The following JAK2 variants were observed in gnomAD, a reference collection of about 807,000 sequenced individuals.
The protein encoded by JAK2 is Janus kinase 2.
In JAK2, 86 loss-of-function variants were observed where a neutral mutation model predicts 139.3. That is an observed-to-expected ratio of 0.62 (90% CI 0.52 to 0.74). JAK2 has a LOEUF of 0.74. Ranked by LOEUF, JAK2 falls within the 30% of genes least tolerant of loss-of-function variation. JAK2 has a pLI of 0.00. For missense variants in JAK2, 1,421 were observed against 1,360.3 expected (o/e 1.04, Z -0.70); for synonymous variants, 490 against 437.7 (o/e 1.12, Z -1.49).
Position 5,090,673 on chromosome 9 carries a change from G to C in JAK2, c.2887-66G>C, listed in dbSNP as rs547311797. ...TCATAGATAATAAAGGGAATATATA[G>C]GGTTAAGACCATTTAAATTGTTTAT... On this transcript the variant is annotated intron_variant, in intron 21 of 24. Transcript: ENST00000381652. 25 of 1,531,392 alleles carry C rather than the reference G, an allele frequency of 1.6e-5. 1 individual carries two copies. The highest frequency in any genetic ancestry group is 7.7e-5 in the South Asian group (6 of 77,896). 94.9% of individuals were successfully genotyped at this position (1,531,392 alleles called of 1,614,324 possible). A position where few individuals can be genotyped will look rare whatever the true frequency, so the allele number is the denominator to read the frequency against.
At chr9:5,021,633 G>A (rs1331803688) in intron 2 of JAK2, among the ~76,000 whole-genome samples, 1 of 152,092 alleles carries the variant, frequency 6.6e-6, no homozygotes, top group African/African-American at 2.4e-5. Context: ...ATTTATTTAT[G>A]TATTCATTTT....
intron 22 of JAK2, chr9:5,114,055 C>A (rs1164413496): frequency 6.1e-6 from 2 of 330,066 alleles, no homozygotes; most frequent in Non-Finnish European, 1.2e-5. Flanking sequence ...GAGCTGGCCT[C>A]CACACAAAGC....
chr9:5,033,669 C>A (rs916397377), intron 4 of JAK2, among the ~76,000 whole-genome samples: 1 of 152,100 alleles, frequency 6.6e-6, no homozygotes, highest in African/African-American at 2.4e-5. Context: ...GAAATAAAAT[C>A]CTTTACAGAC....
intron 3 of JAK2, among the ~76,000 whole-genome samples, chr9:5,027,116 T>G (rs1263917969): frequency 1.3e-5 from 2 of 152,190 alleles, no homozygotes; most frequent in Non-Finnish European, 2.9e-5. Flanking sequence ...GAACCAACCT[T>G]TCTATAGAGG....
At chr9:5,046,061 T>C (rs1816987576) in intron 5 of JAK2, among the ~76,000 whole-genome samples, 1 of 152,200 alleles carries the variant, frequency 6.6e-6, no homozygotes, top group African/African-American at 2.4e-5. Context: ...CTTTGTTTGA[T>C]AATAGCCATC....
intron 2 of JAK2, among the ~76,000 whole-genome samples, chr9:5,012,373 T>C (rs893211857): frequency 6.6e-6 from 1 of 152,180 alleles, no homozygotes; most frequent in African/African-American, 2.4e-5. Context: ...TTTATAAATA[T>C]ATATTTTTAA....
intron 10 of JAK2, among the ~76,000 whole-genome samples, chr9:5,068,176 A>G (rs1024234115): frequency 5.2e-4 from 13 of 25,100 alleles, no homozygotes; most frequent in African/African-American, 1.3e-3. Context: ...AACAACAACA[A>G]AAAAAAAAAA....
At chr9:5,095,869 T>A (rs1217999636) in intron 22 of JAK2, among the ~76,000 whole-genome samples, 1 of 152,200 alleles carries the variant, frequency 6.6e-6, no homozygotes, top group Non-Finnish European at 1.5e-5. Context: ...AACTACCACA[T>A]TTCTAGCACT....
chr9:4,994,641 C>T (rs778332515), intron 2 of JAK2, among the ~76,000 whole-genome samples: 5 of 152,172 alleles, frequency 3.3e-5, no homozygotes, highest in Admixed American at 6.5e-5. Context: ...ATAGACAATA[C>T]GTAAATGAAC....
rs1824152635 is a variant in JAK2, at chr9:5,128,580, C to T, written c.*1789C>T. Among the ~76,000 whole-genome samples, 1 of 151,834 alleles carries T rather than the reference C, an allele frequency of 6.6e-6. No individual in the cohort carries two copies. The highest frequency in any genetic ancestry group is 6.6e-5 in the Admixed American group (1 of 15,250). On this transcript the variant is annotated 3_prime_UTR_variant, in exon 25 of 25. Coordinates refer to ENST00000381652, the MANE Select transcript of JAK2 (RefSeq NM_004972.4). ...GGGTCTCTAACATTGCTTTTTAAAA[C>T]AAGATGTGAACTAACTTTTCTTAAA... is the stretch of plus-strand genomic sequence containing the variant.
At chr9:5,063,844 T>C (rs1049436751) in intron 8 of JAK2, among the ~76,000 whole-genome samples, 1 of 152,238 alleles carries the variant, frequency 6.6e-6, no homozygotes, top group Non-Finnish European at 1.5e-5. Context: ...TTTGGCTGAC[T>C]ACATGTTCAC....
chr9:5,087,410 T>C (rs903142287), intron 19 of JAK2, among the ~76,000 whole-genome samples: 6 of 152,152 alleles, frequency 3.9e-5, no homozygotes, highest in Non-Finnish European at 7.4e-5. Flanking sequence ...TCCAATGACA[T>C]GTGGGGATTA....
chr9:5,086,855 A>T (rs1820155297), intron 19 of JAK2, among the ~76,000 whole-genome samples: 1 of 152,166 alleles, frequency 6.6e-6, no homozygotes, highest in African/African-American at 2.4e-5. Context: ...CTTCTCATAG[A>T]GCAGTTTGTA....
intron 14 of JAK2, among the ~76,000 whole-genome samples, chr9:5,075,554 C>A (rs1365394940): frequency 1.3e-5 from 2 of 152,208 alleles, no homozygotes; most frequent in East Asian, 3.8e-4. Context: ...GATGACAGCA[C>A]ATCTGTTTAT....
At chr9:5,074,179 G>A (rs1042521746) in intron 14 of JAK2, among the ~76,000 whole-genome samples, 3 of 152,012 alleles carry the variant, frequency 2.0e-5, no homozygotes, top group African/African-American at 7.2e-5. Flanking sequence ...GGAACTGACA[G>A]AAATGATTAT....
intron 4 of JAK2, 116 bp from the exon 5 acceptor site, chr9:5,044,287 T>C (rs1816836842): frequency 1.5e-6 from 1 of 679,336 alleles, no homozygotes; most frequent in Non-Finnish European, 2.6e-6. Flanking sequence ...TACTGTTAGC[T>C]GTGTTTTCTA....
intron 4 of JAK2, chr9:5,041,651 C>G: frequency 2.0e-6 from 1 of 508,016 alleles, no homozygotes; most frequent in Non-Finnish European, 4.0e-6. Flanking sequence ...TCGACTACGA[C>G]TACCTGCGGA....
At chr9:5,015,538 CTT>C (rs35167433) in intron 2 of JAK2, among the ~76,000 whole-genome samples, 72 of 109,610 alleles carry the variant, frequency 6.6e-4, no homozygotes, top group African/African-American at 9.4e-4. Flanking sequence ...TTTTTCTTTT[CTT>C]TTTTTTTTTT....
chr9:5,094,107 T>C (rs1309608555), intron 22 of JAK2: 1 of 152,178 alleles, frequency 6.6e-6, no homozygotes, highest in Non-Finnish European at 1.5e-5. Flanking sequence ...AATATGCCTA[T>C]AATTAACCTT....
Sources: gnomAD v4.1 joint callset for allele counts (sites outside exome capture counted in the v4.1 genomes callset) on GRCh38, gnomAD v4.1.1 for gene constraint, MANE v1.5 for transcripts, NCBI Gene and HGNC (gene_info 2026-07-23, HGNC 2026-07-21) for gene names.